The following DGKB variants were observed in gnomAD, a reference collection of about 807,000 sequenced individuals.
DGKB encodes the protein diacylglycerol kinase beta.
Under a neutral mutation model 114.3 loss-of-function variants are expected in DGKB, and 67 were observed. The ratio of observed to expected loss-of-function variants is 0.59; its 90% CI spans 0.48 to 0.72. The LOEUF is 0.72. Among genes scored for constraint, DGKB ranks in the 30% least tolerant of loss-of-function variants. The pLI, the probability that DGKB is intolerant of heterozygous loss-of-function variation, is 0.00. For missense variants in DGKB, 907 were observed against 975.2 expected, an observed-to-expected ratio of 0.93 and a Z score of 0.93; for synonymous variants, 398 against 323.1, an observed-to-expected ratio of 1.23 and a Z score of -2.49.
At chr7:14,688,030 G>C (rs1260170240) in intron 9 of DGKB, among the ~76,000 whole-genome samples, 1 of 152,144 alleles carries the variant, frequency 6.6e-6, no homozygotes, top group African/African-American at 2.4e-5. Context: ...ATATGTATGT[G>C]ACTTCTTTAA....
At chr7:14,241,882 T>C (rs1368781428) in intron 23 of DGKB, among the ~76,000 whole-genome samples, 1 of 150,396 alleles carries the variant, frequency 6.6e-6, no homozygotes, top group African/African-American at 2.4e-5. Context: ...GCAGAGACAA[T>C]TAATTGGGAT....
At chr7:14,323,783 G>A (rs1808244287) in intron 23 of DGKB, among the ~76,000 whole-genome samples, 1 of 152,108 alleles carries the variant, frequency 6.6e-6, no homozygotes, top group Non-Finnish European at 1.5e-5. Flanking sequence ...ACTATTGAGT[G>A]AATGACTTAT....
At chr7:14,659,988 A>G (rs1385004863) in intron 13 of DGKB, among the ~76,000 whole-genome samples, 1 of 151,380 alleles carries the variant, frequency 6.6e-6, no homozygotes, top group Non-Finnish European at 1.5e-5. Context: ...CTATTGAGAT[A>G]ATCATGTGGT....
At chr7:14,447,839 G>C (rs1464443857) in intron 21 of DGKB, among the ~76,000 whole-genome samples, 1 of 152,020 alleles carries the variant, frequency 6.6e-6, no homozygotes, top group Non-Finnish European at 1.5e-5. Context: ...CTTTGACGGT[G>C]TCGGGAAATC....
At chr7:14,446,574 A>T (rs1164583846) in intron 21 of DGKB, among the ~76,000 whole-genome samples, 1 of 152,154 alleles carries the variant, frequency 6.6e-6, no homozygotes, top group East Asian at 1.9e-4. Context: ...ACATTTTTGA[A>T]TGGTAATGTA....
chr7:14,779,004 A>T (rs1838664757), intron 2 of DGKB, among the ~76,000 whole-genome samples: 1 of 152,064 alleles, frequency 6.6e-6, no homozygotes, highest in Non-Finnish European at 1.5e-5. Flanking sequence ...AAAACTACAC[A>T]AATTAGCTAG....
chr7:14,937,064 A>C (rs1384473483), intron 1 of DGKB, among the ~76,000 whole-genome samples: 1 of 144,830 alleles, frequency 6.9e-6, no homozygotes, highest in African/African-American at 2.7e-5. Flanking sequence ...ACACACACAC[A>C]CACACACACA....
In DGKB at chr7:14,932,052, C is replaced by T. The variant is rs183173681; in HGVS notation, c.-188+42644G>A. On this transcript the variant is annotated intron_variant, in intron 1 of 4. Transcript: ENST00000437998. The stretch of plus-strand genomic sequence containing the variant: ...AAGAGTTAGGATTGAAAATGACACT[C>T]CAGAACAGCTGCCTAGATTGGAGAA... Among the ~76,000 whole-genome samples, 8 of 152,274 alleles carry T rather than the reference C, an allele frequency of 5.3e-5. No homozygotes were observed. In the East Asian group the frequency reaches 1.4e-3, roughly 26 times the overall value.
At chr7:14,951,959 C>A (rs1786223408) in intron 1 of DGKB, among the ~76,000 whole-genome samples, 1 of 151,972 alleles carries the variant, frequency 6.6e-6, no homozygotes, top group South Asian at 2.1e-4. Flanking sequence ...TGTCCCCCTA[C>A]CCCATTGATA....
intron 20 of DGKB, among the ~76,000 whole-genome samples, chr7:14,483,009 ATT>A (rs35076747): frequency 6.9e-6 from 1 of 144,560 alleles, no homozygotes; most frequent in Non-Finnish European, 1.5e-5. Flanking sequence ...TTGGCCTGGC[ATT>A]TTTTTTTTTG....
At chr7:14,700,933 C>T (rs1825058166) in intron 7 of DGKB, among the ~76,000 whole-genome samples, 1 of 151,824 alleles carries the variant, frequency 6.6e-6, no homozygotes, top group African/African-American at 2.4e-5. Context: ...AATATGTTAC[C>T]AAACATAAGG....
intron 20 of DGKB, among the ~76,000 whole-genome samples, chr7:14,543,896 G>A (rs1039480615): frequency 6.6e-6 from 1 of 152,110 alleles, no homozygotes; most frequent in Non-Finnish European, 1.5e-5. Context: ...TATAACAAGG[G>A]ACAGGTAGAG....
chr7:14,468,218 A>C (rs1362066648), intron 21 of DGKB, among the ~76,000 whole-genome samples: 1 of 152,136 alleles, frequency 6.6e-6, no homozygotes, highest in African/African-American at 2.4e-5. Context: ...ATGAACATCA[A>C]AGGGGAAGAA....
intron 25 of DGKB, among the ~76,000 whole-genome samples, chr7:14,161,426 A>ATGAT (rs1427814520): frequency 6.6e-6 from 1 of 152,232 alleles, no homozygotes; most frequent in East Asian, 1.9e-4. Flanking sequence ...ATGCCCGTCA[A>ATGAT]TGATAGACTG....
At chr7:14,391,191 C>T (rs1457900633) in intron 21 of DGKB, among the ~76,000 whole-genome samples, 1 of 152,144 alleles carries the variant, frequency 6.6e-6, no homozygotes, top group African/African-American at 2.4e-5. Context: ...ATTCAGTTAA[C>T]AACTATTTTT....
rs150664584 is a variant in DGKB at position 14,715,090 on chromosome 7, A to G, written c.466+3452T>C. ...GAAAACTGAGTCCTGAGGAAGTTTT[A>G]AAAATGAACTCAGATCACTGAGACA... On this transcript the variant is annotated intron_variant, in intron 6 of 25. Coordinates refer to ENST00000402815, the MANE Select transcript of DGKB (RefSeq NM_001350709.2). Among the ~76,000 whole-genome samples, 4 of 152,286 alleles carry G rather than the reference A, an allele frequency of 2.6e-5. No individual in the cohort carries two copies. In the East Asian group the frequency reaches 7.7e-4, roughly 29 times the overall value.
intron 1 of DGKB, among the ~76,000 whole-genome samples, chr7:14,880,679 G>A (rs893409217): frequency 2.6e-5 from 4 of 152,080 alleles, no homozygotes; most frequent in African/African-American, 4.8e-5. Context: ...ATAATTATTC[G>A]TAGCTATAAT....
At chr7:14,779,233 A>G (rs1382185114) in intron 2 of DGKB, among the ~76,000 whole-genome samples, 1 of 152,150 alleles carries the variant, frequency 6.6e-6, no homozygotes, top group Admixed American at 6.5e-5. Flanking sequence ...ACATTATTCT[A>G]TTTTTAATTG....
intron 1 of DGKB, among the ~76,000 whole-genome samples, chr7:14,941,050 G>A (rs1785544508): frequency 6.6e-6 from 1 of 151,870 alleles, no homozygotes; most frequent in Admixed American, 6.6e-5. Flanking sequence ...TTATGGTAAG[G>A]ACCATCATTT....
Sources: allele counts gnomAD v4.1 joint callset (sites outside exome capture counted in the v4.1 genomes callset), GRCh38; gene constraint gnomAD v4.1.1; transcripts MANE v1.5; gene names NCBI Gene and HGNC (gene_info 2026-07-23, HGNC 2026-07-21).